ATP12A: variants seen among roughly 807,000 people sequenced by gnomAD.
ATP12A encodes the protein potassium-transporting ATPase alpha chain 2.
A neutral mutation model predicts 111.2 loss-of-function variants in ATP12A; 81 were observed. The ratio of observed to expected loss-of-function variants is 0.73; its 90% CI spans 0.61 to 0.88. The LOEUF is 0.88. Among genes scored for constraint, ATP12A ranks in the 40% least tolerant of loss-of-function variants. The probability of loss-of-function intolerance (pLI) is 0.00; values close to 1 mark genes in which losing one functional copy is unlikely to be tolerated. For synonymous variants in ATP12A, 498 were observed against 499.8 expected (o/e 1.00, Z 0.05); for missense variants, 1,196 against 1,313.1 (o/e 0.91, Z 1.38).
At chr13:24,686,686 C>T (rs949726954) in intron 3 of ATP12A, among the ~76,000 whole-genome samples, 4 of 151,822 alleles carry the variant, frequency 2.6e-5, no homozygotes, top group African/African-American at 9.7e-5. Context: ...TTGCAGTGAG[C>T]GGAGATCGCG....
chr13:24,680,809 G>A, intron 1 of ATP12A, 57 bp downstream of exon 1: 2 of 1,451,546 alleles, frequency 1.4e-6, no homozygotes, highest in South Asian at 1.4e-5. Context: ...AGGCCCCGGG[G>A]ACCGGAGCAG....
In ATP12A at chr13:24,692,873, C is replaced by T; in HGVS notation, c.1354C>T (p.Gln452Ter). The stretch of plus-strand genomic sequence containing the variant: ...TAACCGAGCAGAGTTCAAGCCAGGA[C>T]AGGAAAATGTCCCCATCATGAAGGT... ...LCNRAEFKPG[Q>*]ENVPIMKKAV... The change falls in exon 10 of 23, where the codon CAG (glutamine) becomes TAG (stop). Residue 452 changes from glutamine to a stop codon, truncating the protein, a stop_gained. Coordinates refer to ENST00000381946, the MANE Select transcript of ATP12A (RefSeq NM_001676.7). LOFTEE classifies it high-confidence loss of function. 1 of 1,614,122 alleles carries T rather than the reference C, an allele frequency of 6.2e-7. No homozygotes were observed. The highest frequency in any genetic ancestry group is 8.5e-7 in the Non-Finnish European group (1 of 1,179,972).
Position 24,711,316 on chromosome 13 carries a change from A to G in ATP12A, c.3000-2A>G. The G allele has an allele frequency of 6.3e-7, 1 of 1,595,114 alleles. No homozygotes were observed. Among genetic ancestry groups the G allele is most frequent in the Non-Finnish European group, 8.6e-7 (1 of 1,169,484 alleles). On this transcript the variant is annotated splice_acceptor_variant, in intron 21 of 22. Coordinates refer to ENST00000381946, the MANE Select transcript of ATP12A (RefSeq NM_001676.7). LOFTEE classifies it high-confidence loss of function. Reference sequence around the variant, plus strand: ...GTTCACTTTCCATCCCTTTGCTTCCAGGGCTCAGTACTGGTTTGTGGCTGT... The same window carrying G: ...GTTCACTTTCCATCCCTTTGCTTCCGGGGCTCAGTACTGGTTTGTGGCTGT...
chr13:24,692,304 T>C (rs1339383422), intron 8 of ATP12A, 125 bp from the exon 9 acceptor site: 1 of 1,022,748 alleles, frequency 9.8e-7, no homozygotes, highest in African/African-American at 1.6e-5. Flanking sequence ...CAACCACACC[T>C]CTCCCCTAAA....
intron 17 of ATP12A, among the ~76,000 whole-genome samples, chr13:24,708,938 A>AAAGG (rs1446979568): frequency 3.2e-5 from 4 of 123,416 alleles, no homozygotes; most frequent in South Asian, 2.4e-4. Context: ...AGAAAGAAAG[A>AAAGG]AAGAAAGAAA....
chr13:24,706,899 C>A, intron 15 of ATP12A, 124 bp from the exon 16 acceptor site: 1 of 1,060,604 alleles, frequency 9.4e-7, no homozygotes, highest in Non-Finnish European at 1.3e-6. Flanking sequence ...CCTAAATGGG[C>A]CTTTCCGTTC....
In ATP12A at chr13:24,706,467, G is replaced by C. The variant is rs765229740; in HGVS notation, c.2169+4G>C. On this transcript the variant is annotated splice_donor_region_variant and intron_variant, in intron 15 of 22. Coordinates refer to ENST00000381946, the MANE Select transcript of ATP12A (RefSeq NM_001676.7). ...TGTGGAGGGCTGTCAGAGGCAGGTGGGTGGACAGCAGTGTCCAGAGGACTG... is the reference window on the plus strand; with the variant it reads ...TGTGGAGGGCTGTCAGAGGCAGGTGCGTGGACAGCAGTGTCCAGAGGACTG... 46 of 1,613,146 alleles carry C rather than the reference G, an allele frequency of 2.9e-5. No individual in the cohort carries two copies. The East Asian group carries it at 1.0e-3, about 36-fold the overall frequency.
rs1279408984 is a variant in ATP12A, at chr13:24,692,552, CAG to C, written c.1194_1195del (p.Asn399GlnfsTer17). 6.2e-7 allele frequency: 1 copy of C among 1,614,182 alleles called. No homozygotes were observed. The highest frequency in any genetic ancestry group is 8.5e-7 in the Non-Finnish European group (1 of 1,180,040). On this transcript the variant is annotated frameshift_variant, in exon 9 of 23. Transcript: ENST00000381946. LOFTEE classifies it high-confidence loss of function. ...ICSDKTGTLTQNRMTVAHLWF... is the reference protein window; with the variant it reads ...ICSDKTGTLTXNRMTVAHLWF... Reference sequence around the variant, plus strand: ...CTCGGACAAGACTGGGACACTGACCCAGAACAGGATGACAGTGGCCCATCTGT... The same window carrying C: ...CTCGGACAAGACTGGGACACTGACCCAACAGGATGACAGTGGCCCATCTGT...
intron 14 of ATP12A, chr13:24,703,658 G>A (rs1000711303): frequency 3.9e-5 from 6 of 152,112 alleles, no homozygotes; most frequent in African/African-American, 1.4e-4. Context: ...ACTACCTTCA[G>A]ACCAGCCGAG....
At chr13:24,697,479 CA>C (rs762862112) in intron 11 of ATP12A, among the ~76,000 whole-genome samples, 2 of 151,274 alleles carry the variant, frequency 1.3e-5, no homozygotes, top group Admixed American at 1.3e-4. Context: ...ACAAAAAAAA[CA>C]AAAAACGAAA....
chr13:24,709,555 A>G, intron 18 of ATP12A, 68 bp downstream of exon 18: 1 of 1,598,664 alleles, frequency 6.3e-7, no homozygotes, highest in Non-Finnish European at 8.6e-7. Context: ...AGTGGGGGGC[A>G]CAGCCAGAAA....
rs761915219 is a variant in ATP12A at position 24,706,436 on chromosome 13, G to C, written c.2142G>C (p.Leu714=). The C allele has an allele frequency of 1.2e-6, 2 of 1,614,182 alleles. No homozygotes were observed. Among genetic ancestry groups the C allele is most frequent in the Non-Finnish European group, 1.7e-6 (2 of 1,179,994 alleles). ...CCCGGACATCCCCCCAGCAGAAGCT[G>C]ATCATTGTGGAGGGCTGTCAGAGGC... The part of the protein sequence containing the change: ...VFARTSPQQK[L]IIVEGCQRQD... Residue 714 remains leucine (L), a synonymous_variant, in exon 15 of 23, where the codon CTG becomes CTC. Transcript: ENST00000381946.
At chr13:24,693,639 T>C (rs1353192541) in intron 10 of ATP12A, among the ~76,000 whole-genome samples, 1 of 152,230 alleles carries the variant, frequency 6.6e-6, no homozygotes, top group Non-Finnish European at 1.5e-5. Context: ...CAAATCATGC[T>C]TGTTAACTTC....
intron 14 of ATP12A, among the ~76,000 whole-genome samples, chr13:24,704,038 T>C (rs986496794): frequency 3.7e-4 from 56 of 150,960 alleles, no homozygotes; most frequent in African/African-American, 1.3e-3. Context: ...CTCTGTTGCC[T>C]AGGCTGGAGT....
At chr13:24,698,603 G>A (rs1875264057) in intron 11 of ATP12A, 55 bp from the exon 12 acceptor site, 4 of 1,555,398 alleles carry the variant, frequency 2.6e-6, no homozygotes, top group South Asian at 1.2e-5. Flanking sequence ...CAGTAGAGAA[G>A]AAGGAATGCG....
Position 24,692,824 on chromosome 13 carries a change from C to T in ATP12A, c.1305C>T (p.Ser435=). 1 of 1,614,208 alleles carries T rather than the reference C, an allele frequency of 6.2e-7. No homozygotes were observed. The highest frequency in any genetic ancestry group is 1.1e-5 in the South Asian group (1 of 91,082). The change falls in exon 10 of 23, where the codon TCC becomes TCT. Residue 435 remains serine, a synonymous_variant. Transcript: ENST00000381946. ...ACCAAAGCTCTAGGACTTGGGCCTC[C>T]TTATCCAAGATAATAACATTGTGTA... ...VFDQSSRTWA[S]LSKIITLCNR...
In ATP12A at chr13:24,711,665, A is replaced by G. The variant is rs1875979919; in HGVS notation, c.*143A>G. 3 of 1,138,796 alleles carry G rather than the reference A, an allele frequency of 2.6e-6. No homozygotes were observed. Among genetic ancestry groups the G allele is most frequent in the Non-Finnish European group, 1.3e-6 (1 of 791,834 alleles). 70.5% of individuals were successfully genotyped at this position (1,138,796 alleles called of 1,614,324 possible). On this transcript the variant is annotated 3_prime_UTR_variant, in exon 23 of 23. Coordinates refer to ENST00000381946, the MANE Select transcript of ATP12A (RefSeq NM_001676.7). Reference sequence around the variant, plus strand: ...AATTTTCATGCAGAAAGCTGTATGCAGGATGCTCACTGATGTTTTGCACTT... The same window carrying G: ...AATTTTCATGCAGAAAGCTGTATGCGGGATGCTCACTGATGTTTTGCACTT...
chr13:24,693,125 A>T (rs1200956364), intron 10 of ATP12A, among the ~76,000 whole-genome samples: 4 of 152,246 alleles, frequency 2.6e-5, no homozygotes, highest in African/African-American at 9.6e-5. Flanking sequence ...TCTTCAGAAA[A>T]TTCTGGAAAT....
intron 9 of ATP12A, 46 bp from the exon 10 acceptor site, chr13:24,692,741 G>C: frequency 6.2e-7 from 1 of 1,604,234 alleles, no homozygotes; most frequent in Non-Finnish European, 8.5e-7. Flanking sequence ...ACTCATGGAC[G>C]GCCAGCCCAA....
Sources: allele counts gnomAD v4.1 joint callset (sites outside exome capture counted in the v4.1 genomes callset), GRCh38; gene constraint gnomAD v4.1.1; transcripts MANE v1.5; gene names NCBI Gene and HGNC (gene_info 2026-07-23, HGNC 2026-07-21).